The following BMPER variants were observed in gnomAD, a reference collection of about 807,000 sequenced individuals.
BMPER encodes the protein BMP binding endothelial regulator.
In BMPER, 45 loss-of-function variants were observed where a neutral mutation model predicts 87.3. The ratio of observed to expected loss-of-function variants is 0.52; its 90% CI spans 0.41 to 0.66. BMPER has a LOEUF of 0.66. BMPER is among the 30% of genes least tolerant of loss of function. The pLI is 0.00. For synonymous variants in BMPER, 326 were observed against 316.2 expected, an observed-to-expected ratio of 1.03 and a Z score of -0.33; for missense variants, 784 against 867.5, an observed-to-expected ratio of 0.90 and a Z score of 1.21.
At chr7:34,143,473 G>GA (rs1288138486) in intron 14 of BMPER, 113 bp downstream of exon 14, 1 of 1,499,596 alleles carries the variant, frequency 6.7e-7, no homozygotes, top group African/African-American at 1.4e-5. Context: ...CTTGCCAGAG[G>GA]AAAATCCCTT....
At chr7:34,055,106 G>C in intron 8 of BMPER, 57 bp from the exon 9 acceptor site, 1 of 1,611,794 alleles carries the variant, frequency 6.2e-7, no homozygotes, top group Non-Finnish European at 8.5e-7. Flanking sequence ...GGCCAGGTAG[G>C]ATGTTTGGTA....
Position 34,078,853 on chromosome 7 carries a change from G to A in BMPER, c.1079-4G>A. 6.2e-7 allele frequency: 1 copy of A among 1,614,008 alleles called. No homozygotes were observed. Among genetic ancestry groups the A allele is most frequent in the Non-Finnish European group, 8.5e-7 (1 of 1,179,992 alleles). ...CCCGGCTTTTGTCTCTCACTCCTCC[G>A]CAGAGCCCGGCGTTTGCACGGTGTT... On this transcript the variant is annotated splice_region_variant and splice_polypyrimidine_tract_variant and intron_variant, in intron 11 of 14. Coordinates refer to ENST00000649409, the MANE Select transcript of BMPER (RefSeq NM_001365308.1).
intron 14 of BMPER, among the ~76,000 whole-genome samples, chr7:34,146,994 CA>C (rs1791044547): frequency 6.6e-6 from 1 of 152,186 alleles, no homozygotes; most frequent in South Asian, 2.1e-4. Flanking sequence ...TCATCCTTAG[CA>C]GAATGTCTGC....
Position 34,055,148 on chromosome 7 carries a change from C to T in BMPER, c.787-15C>T, listed in dbSNP as rs1788248942. 1 of 1,614,052 alleles carries T rather than the reference C, an allele frequency of 6.2e-7. No homozygotes were observed. The highest frequency in any genetic ancestry group is 8.5e-7 in the Non-Finnish European group (1 of 1,179,992). On this transcript the variant is annotated splice_polypyrimidine_tract_variant and intron_variant, in intron 8 of 14. Coordinates refer to ENST00000649409, the MANE Select transcript of BMPER (RefSeq NM_001365308.1). ...AAAATCATTTTTAATTTCTATTTTGCCTTTGGGCCCCCAGGACTCTACTGT... is the reference window on the plus strand; with the variant it reads ...AAAATCATTTTTAATTTCTATTTTGTCTTTGGGCCCCCAGGACTCTACTGT...
chr7:34,091,972 T>C (rs1789396628), intron 13 of BMPER, among the ~76,000 whole-genome samples: 1 of 152,170 alleles, frequency 6.6e-6, no homozygotes, highest in Non-Finnish European at 1.5e-5. Context: ...GCCTCTTCTT[T>C]TTTGACCCTT....
chr7:34,038,186 G>A (rs1408016024), intron 6 of BMPER, among the ~76,000 whole-genome samples: 6 of 152,146 alleles, frequency 3.9e-5, no homozygotes, highest in Admixed American at 2.6e-4. Flanking sequence ...AGGTGACCCT[G>A]GATTCTTTGG....
intron 6 of BMPER, among the ~76,000 whole-genome samples, chr7:34,017,976 A>C (rs1255490287): frequency 1.3e-5 from 2 of 151,820 alleles, no homozygotes; most frequent in East Asian, 1.9e-4. Flanking sequence ...CAAAAAAAAA[A>C]AAAAAACAAA....
intron 4 of BMPER, among the ~76,000 whole-genome samples, chr7:33,970,088 G>A (rs1785501711): frequency 6.6e-6 from 1 of 152,214 alleles, no homozygotes; most frequent in Non-Finnish European, 1.5e-5. Flanking sequence ...CAAGAAATTA[G>A]GGCCAAAGAG....
At chr7:34,129,283 A>G (rs1790485338) in intron 13 of BMPER, among the ~76,000 whole-genome samples, 1 of 152,150 alleles carries the variant, frequency 6.6e-6, no homozygotes, top group Non-Finnish European at 1.5e-5. Context: ...TGGGTGGATC[A>G]TAAGGTCAGG....
At chr7:34,003,180 T>C (rs540853983) in intron 6 of BMPER, among the ~76,000 whole-genome samples, 3 of 151,554 alleles carry the variant, frequency 2.0e-5, no homozygotes, top group East Asian at 1.9e-4. Flanking sequence ...TAAATGTGTG[T>C]ACACACACAC....
At chr7:34,064,485 A>C (rs1289100610) in intron 11 of BMPER, among the ~76,000 whole-genome samples, 1 of 152,174 alleles carries the variant, frequency 6.6e-6, no homozygotes, top group Non-Finnish European at 1.5e-5. Context: ...AAAAGAATAC[A>C]AATGGAAGGA....
At position 33,989,973 on chromosome 7, in the gene BMPER, G is replaced by A. The variant is rs1244625034; in HGVS notation, c.576+15189G>A. Among the ~76,000 whole-genome samples the A allele has an allele frequency of 2.6e-4, 40 of 152,022 alleles. 1 individual carries two copies. Among genetic ancestry groups the A allele is most frequent in the African/African-American group, 6.3e-4 (26 of 41,380 alleles). On this transcript the variant is annotated intron_variant, in intron 6 of 14. Coordinates refer to ENST00000649409, the MANE Select transcript of BMPER (RefSeq NM_001365308.1). ...GGGTTCTGTTCTGTTCCATTGATCT[G>A]TATCTCTGTTTTGGTACCAGTACCA...
At chr7:33,936,031 G>A (rs1784592093) in intron 2 of BMPER, among the ~76,000 whole-genome samples, 1 of 151,986 alleles carries the variant, frequency 6.6e-6, no homozygotes, top group Non-Finnish European at 1.5e-5. Context: ...AAGCTCGCAG[G>A]CACATATGCA....
Position 34,074,810 on chromosome 7 carries a change from A to G in BMPER, c.1079-4047A>G, listed in dbSNP as rs529923267. ...GACGGGAGAAACCTTACGACATGTT[A>G]AGTAAAAAATAGAAAATCAAATTTC... On this transcript the variant is annotated intron_variant, in intron 11 of 14. Transcript: ENST00000649409. Among the ~76,000 whole-genome samples the G allele has an allele frequency of 6.7e-4, 102 of 152,350 alleles. 1 individual carries two copies. The highest frequency in any genetic ancestry group is 2.4e-3 in the African/African-American group (98 of 41,584).
chr7:34,048,271 T>C (rs1487182303), intron 7 of BMPER, among the ~76,000 whole-genome samples: 1 of 152,206 alleles, frequency 6.6e-6, no homozygotes, highest in Non-Finnish European at 1.5e-5. Context: ...TTCTCCTCTT[T>C]GATGGCTTCT....
chr7:34,048,601 C>T (rs180924232), intron 7 of BMPER, among the ~76,000 whole-genome samples: 1 of 152,134 alleles, frequency 6.6e-6, no homozygotes, highest in Non-Finnish European at 1.5e-5. Flanking sequence ...TTGGGTCTGG[C>T]TCCAAAGATA....
At chr7:33,978,897 GA>G (rs1195904998) in intron 6 of BMPER, among the ~76,000 whole-genome samples, 1 of 152,060 alleles carries the variant, frequency 6.6e-6, no homozygotes, top group Non-Finnish European at 1.5e-5. Flanking sequence ...TACTTAAAGT[GA>G]AAAGCAGAAT....
At chr7:33,955,764 A>G in intron 3 of BMPER, among the ~76,000 whole-genome samples, 1 of 152,244 alleles carries the variant, frequency 6.6e-6, no homozygotes, top group East Asian at 1.9e-4. Context: ...AGCTGAAACA[A>G]TCTTGAAACA....
chr7:34,062,749 C>T (rs1447458544), intron 11 of BMPER, among the ~76,000 whole-genome samples: 3 of 152,088 alleles, frequency 2.0e-5, no homozygotes, highest in African/African-American at 4.8e-5. Flanking sequence ...TACAGCGTGT[C>T]GCTGTACTGA....
Sources: gnomAD v4.1 joint callset for allele counts (sites outside exome capture counted in the v4.1 genomes callset) on GRCh38, gnomAD v4.1.1 for gene constraint, MANE v1.5 for transcripts, NCBI Gene and HGNC (gene_info 2026-07-23, HGNC 2026-07-21) for gene names.